PCSK5: variants seen among roughly 807,000 people sequenced by gnomAD.
PCSK5 encodes the protein prohormone convertase 5.
Under a neutral mutation model 233.2 loss-of-function variants are expected in PCSK5, and 129 were observed. The ratio of observed to expected loss-of-function variants is 0.55; its 90% CI spans 0.48 to 0.64. The LOEUF (loss-of-function observed/expected upper bound fraction) is 0.64. Among genes scored for constraint, PCSK5 ranks in the 30% least tolerant of loss-of-function variants. PCSK5 has a pLI of 0.00. For missense variants in PCSK5, 2,076 were observed against 2,430.1 expected (o/e 0.85, Z 3.06); for synonymous variants, 825 against 879.2 (o/e 0.94, Z 1.09).
intron 30 of PCSK5, among the ~76,000 whole-genome samples, chr9:76,320,106 C>T (rs1025705129): frequency 6.6e-6 from 1 of 152,090 alleles, no homozygotes; most frequent in Non-Finnish European, 1.5e-5. Flanking sequence ...TGGTAGTGGT[C>T]CCCCGAGCCC....
At chr9:75,934,247 A>T (rs1469691960) in intron 2 of PCSK5, among the ~76,000 whole-genome samples, 3 of 152,090 alleles carry the variant, frequency 2.0e-5, no homozygotes, top group Non-Finnish European at 2.9e-5. Flanking sequence ...TAGAGCCACA[A>T]CTTACTCTCC....
intron 24 of PCSK5, among the ~76,000 whole-genome samples, chr9:76,246,816 A>G (rs57162404): frequency 0.022 from 3,324 of 152,332 alleles, 100 homozygotes; most frequent in South Asian, 0.12. Flanking sequence ...AAGGCAAGGC[A>G]CAAAGGTACA....
At chr9:76,344,262 C>A (rs184192571) in intron 35 of PCSK5, among the ~76,000 whole-genome samples, 1 of 152,252 alleles carries the variant, frequency 6.6e-6, no homozygotes, top group African/African-American at 2.4e-5. Flanking sequence ...TTAGGTAAAC[C>A]AATCCAGGCA....
intron 10 of PCSK5, among the ~76,000 whole-genome samples, chr9:76,144,178 C>T (rs933327948): frequency 2.0e-5 from 3 of 152,044 alleles, no homozygotes; most frequent in African/African-American, 7.3e-5. Context: ...TTTTAGTAGT[C>T]TTAAGAAGCT....
chr9:75,952,603 G>C (rs1012471561), intron 2 of PCSK5, among the ~76,000 whole-genome samples: 1 of 152,094 alleles, frequency 6.6e-6, no homozygotes, highest in Non-Finnish European at 1.5e-5. Flanking sequence ...ATTCTCATGG[G>C]TCCCTTTATA....
intron 24 of PCSK5, among the ~76,000 whole-genome samples, chr9:76,253,895 T>C (rs1248718292): frequency 6.6e-6 from 1 of 152,194 alleles, no homozygotes; most frequent in Non-Finnish European, 1.5e-5. Context: ...AGAAGCTCTT[T>C]GTTATAAGTA....
chr9:76,302,097 A>AT (rs1828626401), intron 27 of PCSK5, 40 bp from the exon 28 acceptor site: 2 of 749,192 alleles, frequency 2.7e-6, no homozygotes, highest in Non-Finnish European at 3.7e-6. Context: ...TCCTTTTTGC[A>AT]TTAAAAAAAA....
intron 34 of PCSK5, among the ~76,000 whole-genome samples, chr9:76,333,474 G>T (rs1829592425): frequency 6.6e-6 from 1 of 152,154 alleles, no homozygotes; most frequent in South Asian, 2.1e-4. Context: ...TACAGGTTTT[G>T]TTATCATAAA....
intron 20 of PCSK5, among the ~76,000 whole-genome samples, chr9:76,199,837 C>T (rs1321460597): frequency 1.3e-5 from 2 of 152,130 alleles, no homozygotes; most frequent in African/African-American, 4.8e-5. Flanking sequence ...CAATTAACTA[C>T]TTGACATTTC....
chr9:76,284,716 GA>G, intron 24 of PCSK5, among the ~76,000 whole-genome samples: 1 of 151,946 alleles, frequency 6.6e-6, no homozygotes, highest in Non-Finnish European at 1.5e-5. Context: ...ATTTTTAGTA[GA>G]GACAGAGTTT....
At chr9:76,165,662 G>A (rs7037635) in intron 12 of PCSK5, among the ~76,000 whole-genome samples, 22,659 of 152,134 alleles carry the variant, frequency 0.15, 1,833 homozygotes, top group Middle Eastern at 0.22. Flanking sequence ...CATCGAGCAC[G>A]TGATTATGAA....
chr9:76,115,211 C>T (rs1832376702), intron 9 of PCSK5, among the ~76,000 whole-genome samples: 1 of 152,048 alleles, frequency 6.6e-6, no homozygotes, highest in African/African-American at 2.4e-5. Context: ...ACAGATTTTG[C>T]ACCAAGACCT....
At chr9:76,273,178 G>T (rs75562429) in intron 24 of PCSK5, among the ~76,000 whole-genome samples, 1 of 151,694 alleles carries the variant, frequency 6.6e-6, no homozygotes, top group Admixed American at 6.6e-5. Flanking sequence ...CATCTTTCAG[G>T]TCTCACCTAA....
intron 2 of PCSK5, among the ~76,000 whole-genome samples, chr9:75,983,782 C>A (rs1826378847): frequency 6.6e-6 from 1 of 152,162 alleles, no homozygotes; most frequent in African/African-American, 2.4e-5. Context: ...GAAATAAAAT[C>A]TGTATAATGC....
Position 76,089,431 on chromosome 9 carries a change from C to A in PCSK5, c.895-6459C>A, listed in dbSNP as rs1020293140. On this transcript the variant is annotated intron_variant, in intron 7 of 37. Coordinates refer to ENST00000674117, the MANE Select transcript of PCSK5 (RefSeq NM_001372043.1). The stretch of plus-strand genomic sequence containing the variant: ...GGGTCTCGACCTCTTGTCTCTACCA[C>A]GTCCTAGTTATATGATACTGGGCCT... Among the ~76,000 whole-genome samples, 8 of 152,154 alleles carry A rather than the reference C, an allele frequency of 5.3e-5. No individual in the cohort carries two copies. In the East Asian group the frequency reaches 1.5e-3, roughly 29 times the overall value.
chr9:76,129,543 G>A (rs555353162), intron 9 of PCSK5, among the ~76,000 whole-genome samples: 2 of 152,144 alleles, frequency 1.3e-5, no homozygotes, highest in African/African-American at 4.8e-5. Context: ...ATGTATTTGG[G>A]TGGTGGGTTG....
chr9:76,214,118 A>G (rs550653669), intron 20 of PCSK5, among the ~76,000 whole-genome samples: 3 of 152,238 alleles, frequency 2.0e-5, no homozygotes, highest in African/African-American at 7.2e-5. Context: ...TTGATTCTAC[A>G]TTGGCTAGTT....
chr9:76,080,144 T>C (rs949713446), intron 7 of PCSK5, among the ~76,000 whole-genome samples: 102 of 152,064 alleles, frequency 6.7e-4, no homozygotes, highest in African/African-American at 2.3e-3. Context: ...TCCTCCAACT[T>C]TCTTTTTCCA....
intron 20 of PCSK5, among the ~76,000 whole-genome samples, chr9:76,202,034 T>C (rs1270298575): frequency 6.6e-6 from 1 of 152,196 alleles, no homozygotes; most frequent in Non-Finnish European, 1.5e-5. Context: ...GGTTGCAATA[T>C]AATAAAAGCT....
Sources: gnomAD v4.1 joint callset for allele counts (sites outside exome capture counted in the v4.1 genomes callset) on GRCh38, gnomAD v4.1.1 for gene constraint, MANE v1.5 for transcripts, NCBI Gene and HGNC (gene_info 2026-07-23, HGNC 2026-07-21) for gene names.